NTRK2: variants seen among roughly 807,000 people sequenced by gnomAD.
The protein encoded by NTRK2 is BDNF/NT-3 growth factors receptor.
In NTRK2, 13 loss-of-function variants were observed where a neutral mutation model predicts 94.5. That is an observed-to-expected ratio of 0.14 (90% CI 0.09 to 0.22). The LOEUF (loss-of-function observed/expected upper bound fraction) is 0.22, where lower values mean the gene tolerates loss of function less well. NTRK2 is among the 10% of genes least tolerant of loss of function. NTRK2 has a pLI of 1.00. For synonymous variants in NTRK2, 372 were observed against 407.4 expected (o/e 0.91, Z 1.05); for missense variants, 639 against 1,071.2 (o/e 0.60, Z 5.63).
intron 11 of NTRK2, among the ~76,000 whole-genome samples, chr9:84,746,212 G>A (rs994978126): frequency 2.0e-5 from 3 of 152,124 alleles, no homozygotes; most frequent in Admixed American, 6.6e-5. Context: ...CATAACACAC[G>A]AAAGTTTTGT....
chr9:84,690,170 T>C (rs2059961063), intron 2 of NTRK2, among the ~76,000 whole-genome samples: 1 of 152,226 alleles, frequency 6.6e-6, no homozygotes, highest in Non-Finnish European at 1.5e-5. Context: ...TCCCATAGCC[T>C]ATAAAAGTTG....
At chr9:84,944,767 A>G (rs1284436426) in intron 15 of NTRK2, among the ~76,000 whole-genome samples, 1 of 152,254 alleles carries the variant, frequency 6.6e-6, no homozygotes, top group Non-Finnish European at 1.5e-5. Context: ...TTATTCATGC[A>G]TACTTTGACC....
intron 17 of NTRK2, among the ~76,000 whole-genome samples, chr9:84,988,436 T>A (rs12376937): frequency 0.019 from 2,873 of 152,206 alleles, 51 homozygotes; most frequent in Middle Eastern, 0.044. Context: ...ATTTCATCTC[T>A]TTCACACAAA....
At chr9:84,978,514 T>C (rs981121351) in intron 17 of NTRK2, among the ~76,000 whole-genome samples, 5 of 152,226 alleles carry the variant, frequency 3.3e-5, no homozygotes, top group Admixed American at 3.3e-4. Context: ...GATTGGTTTC[T>C]AAGGCTTAAG....
intron 14 of NTRK2, among the ~76,000 whole-genome samples, chr9:84,884,064 G>C (rs1460742550): frequency 6.6e-6 from 1 of 152,198 alleles, no homozygotes; most frequent in African/African-American, 2.4e-5. Context: ...AATAATGTAA[G>C]AAGAGAATGG....
intron 17 of NTRK2, among the ~76,000 whole-genome samples, chr9:84,974,453 A>G (rs1187407611): frequency 2.0e-5 from 3 of 152,198 alleles, no homozygotes; most frequent in Admixed American, 6.5e-5. Context: ...TCTCAGTTTT[A>G]TAGATGGTAA....
chr9:84,755,227 T>C (rs2064977195), intron 12 of NTRK2, among the ~76,000 whole-genome samples: 1 of 152,236 alleles, frequency 6.6e-6, no homozygotes, highest in Non-Finnish European at 1.5e-5. Context: ...TTCCTTGTTC[T>C]GTGGATTCAT....
chr9:84,688,519 A>G (rs1710238644), intron 2 of NTRK2, among the ~76,000 whole-genome samples: 1 of 152,154 alleles, frequency 6.6e-6, no homozygotes, highest in South Asian at 2.1e-4. Flanking sequence ...GTTTTGTGAT[A>G]TTATCATAGA....
intron 12 of NTRK2, among the ~76,000 whole-genome samples, chr9:84,800,759 C>G (rs1383181771): frequency 2.0e-5 from 3 of 152,284 alleles, no homozygotes; most frequent in African/African-American, 7.2e-5. Context: ...ATCTTACCTC[C>G]CGAGAGGGGT....
intron 1 of NTRK2, among the ~76,000 whole-genome samples, 187 bp from the exon 2 acceptor site, chr9:84,670,189 TG>T (rs1295735242): frequency 6.6e-6 from 1 of 152,028 alleles, no homozygotes; most frequent in Non-Finnish European, 1.5e-5. Context: ...GTGGGCACAC[TG>T]GTGGCTCCAG....
chr9:85,011,967 T>TTTTATTTTA (rs1831634972), intron 17 of NTRK2, among the ~76,000 whole-genome samples: 1 of 146,874 alleles, frequency 6.8e-6, no homozygotes, highest in Admixed American at 6.9e-5. Context: ...CATTATTTTA[T>TTTTATTTTA]TTTATTTTAT....
At chr9:84,845,456 T>C (rs1196081067) in intron 12 of NTRK2, among the ~76,000 whole-genome samples, 2 of 152,146 alleles carry the variant, frequency 1.3e-5, no homozygotes, top group African/African-American at 4.8e-5. Context: ...CAATTCTCAG[T>C]TTAATTGAAA....
chr9:84,714,274 G>A (rs1588121875), intron 6 of NTRK2, among the ~76,000 whole-genome samples: 1 of 152,198 alleles, frequency 6.6e-6, no homozygotes, highest in East Asian at 1.9e-4. Context: ...ACATCAGCAG[G>A]GAGTCCTGCA....
chr9:84,926,089 C>CTTCCTTCCTTCCTTCCT (rs2077755241), intron 14 of NTRK2, among the ~76,000 whole-genome samples: 1 of 149,322 alleles, frequency 6.7e-6, no homozygotes, highest in African/African-American at 2.5e-5. Flanking sequence ...CTTTCCCTTC[C>CTTCCTTCCTTCCTTCCT]TTCCTTCCTT....
chr9:84,808,672 A>T (rs2071405004), intron 12 of NTRK2, among the ~76,000 whole-genome samples: 1 of 152,374 alleles, frequency 6.6e-6, no homozygotes, highest in African/African-American at 2.4e-5. Flanking sequence ...GATATGAAGG[A>T]GAATTAATCA....
At chr9:84,914,621 T>C (rs775817915) in intron 14 of NTRK2, among the ~76,000 whole-genome samples, 8 of 152,180 alleles carry the variant, frequency 5.3e-5, no homozygotes, top group Non-Finnish European at 7.4e-5. Flanking sequence ...AGGAGTGGCT[T>C]TGTCCCTATG....
At chr9:84,980,801 G>A (rs10746752) in intron 17 of NTRK2, among the ~76,000 whole-genome samples, 15,027 of 152,274 alleles carry the variant, frequency 0.099, 1,156 homozygotes, top group East Asian at 0.44. Context: ...AAAATGGAGC[G>A]CGTAAGCTCG....
intron 14 of NTRK2, among the ~76,000 whole-genome samples, chr9:84,921,288 A>G (rs2077559069): frequency 6.6e-6 from 1 of 152,228 alleles, no homozygotes; most frequent in Non-Finnish European, 1.5e-5. Flanking sequence ...AGTTTGTAGC[A>G]TGGACTGCAA....
At chr9:84,866,369 C>T (rs1418055227) in intron 13 of NTRK2, among the ~76,000 whole-genome samples, 2 of 152,104 alleles carry the variant, frequency 1.3e-5, no homozygotes, top group Non-Finnish European at 2.9e-5. Flanking sequence ...ATAAAATAAG[C>T]AAATATTATT....
Sources: gnomAD v4.1 joint callset for allele counts (sites outside exome capture counted in the v4.1 genomes callset) on GRCh38, gnomAD v4.1.1 for gene constraint, MANE v1.5 for transcripts, NCBI Gene and HGNC (gene_info 2026-07-23, HGNC 2026-07-21) for gene names.